MRPL50: variants seen among roughly 807,000 people sequenced by gnomAD.
MRPL50 encodes large ribosomal subunit protein mL50.
A neutral mutation model predicts 16.2 loss-of-function variants in MRPL50; 10 were observed. That is an observed-to-expected ratio of 0.62 (90% CI 0.38 to 1.05). The LOEUF (loss-of-function observed/expected upper bound fraction) is 1.05. MRPL50 is among the 50% of genes least tolerant of loss of function. The pLI, the probability that MRPL50 is intolerant of heterozygous loss-of-function variation, is 0.01. For missense variants in MRPL50, 213 were observed against 187.1 expected, an observed-to-expected ratio of 1.14 and a Z score of -0.81; for synonymous variants, 68 against 66.8, an observed-to-expected ratio of 1.02 and a Z score of -0.09.
Position 101,390,442 on chromosome 9 carries a change from C to A in MRPL50, c.*24G>T. On this transcript the variant is annotated 3_prime_UTR_variant, in exon 2 of 2. Transcript: ENST00000374865. ...CTTGCTCAGGGAAAGACAGTGATTT[C>A]AATGTGTTTCTCTTCCGAATTGCTT... The A allele has an allele frequency of 1.3e-6, 2 of 1,590,460 alleles. No individual in the cohort carries two copies. Among genetic ancestry groups the A allele is most frequent in the Non-Finnish European group, 1.7e-6 (2 of 1,168,072 alleles).
At position 101,389,035 on chromosome 9, in the gene MRPL50, C is replaced by A. The variant is rs1479533611; in HGVS notation, c.*1431G>T. 6.6e-6 allele frequency: 1 copy of A among 152,512 alleles called. No individual in the cohort carries two copies. Among genetic ancestry groups the A allele is most frequent in the Non-Finnish European group, 1.5e-5 (1 of 68,402 alleles). 9.4% of individuals were successfully genotyped at this position (152,512 alleles called of 1,614,324 possible). ...CAATAGTTATGTTCACAACTATTTA[C>A]ATACTATTCACAATTGTAAATATTA... On this transcript the variant is annotated 3_prime_UTR_variant, in exon 2 of 2. Transcript: ENST00000374865.
chr9:101,390,793 T>C lies in MRPL50; in HGVS notation c.150A>G (p.Leu50=), dbSNP rs911133401. The part of the protein sequence containing the change: ...ETVEEKKEPI[L]VCPPLRSRAY... The stretch of plus-strand genomic sequence containing the variant: ...CTCGGCTTCGTAAAGGTGGACACAC[T>C]AGGATAGGTTCCTTTTTCTCTTCTA... The change falls in exon 2 of 2, where the codon CTA becomes CTG. Residue 50 remains leucine, a synonymous_variant. Transcript: ENST00000374865. The C allele has an allele frequency of 3.1e-6, 5 of 1,612,482 alleles. No homozygotes were observed. In the African/African-American group the frequency reaches 5.4e-5, roughly 17 times the overall value.
chr9:101,396,705 A>T (rs1306875046), intron 1 of MRPL50, among the ~76,000 whole-genome samples: 2 of 152,132 alleles, frequency 1.3e-5, no homozygotes, highest in South Asian at 4.1e-4. Flanking sequence ...GCACTTTGGG[A>T]GGCTGAGGTA....
intron 1 of MRPL50, 138 bp from the exon 2 acceptor site, chr9:101,390,988 AG>A: frequency 1.1e-6 from 1 of 931,180 alleles, no homozygotes; most frequent in Non-Finnish European, 1.6e-6. Flanking sequence ...AGAATATGGT[AG>A]GCCCCTGCCC....
chr9:101,390,459 G>C lies in MRPL50; in HGVS notation c.*7C>G. 1 of 1,604,828 alleles carries C rather than the reference G, an allele frequency of 6.2e-7. No individual in the cohort carries two copies. The highest frequency in any genetic ancestry group is 1.1e-5 in the South Asian group (1 of 89,556). On this transcript the variant is annotated 3_prime_UTR_variant, in exon 2 of 2. Coordinates refer to ENST00000374865, the MANE Select transcript of MRPL50 (RefSeq NM_019051.3). ...AGTGATTTCAATGTGTTTCTCTTCC[G>C]AATTGCTTAGTAACTCCAAGTGATT... is the stretch of plus-strand genomic sequence containing the variant.
In MRPL50 at chr9:101,390,749, T is replaced by C. The variant is rs771527542; in HGVS notation, c.194A>G (p.Asp65Gly). Residue 65 changes from aspartate to glycine, a missense_variant, in exon 2 of 2, where the codon GAT becomes GGT. Physicochemically the swap from Asp to Gly is moderately conservative, Grantham distance 94 (BLOSUM62 -1). Transcript: ENST00000374865. ...GTAAGATTCCAAACGACTCTGGAGA[T>C]CTTCAGGTGGTGTGTATGCTCGGCT... ...LRSRAYTPPEDLQSRLESYVK... is the reference protein window; with the variant it reads ...LRSRAYTPPEGLQSRLESYVK... The C allele has an allele frequency of 6.2e-7, 1 of 1,613,612 alleles. No individual in the cohort carries two copies. The highest frequency in any genetic ancestry group is 8.5e-7 in the Non-Finnish European group (1 of 1,179,648).
chr9:101,398,379 C>A lies in MRPL50; in HGVS notation c.92+122G>T, dbSNP rs577380175. 22 of 860,798 alleles carry A rather than the reference C, an allele frequency of 2.6e-5. 1 individual carries two copies. The South Asian group carries it at 3.0e-4, about 12-fold the overall frequency. The allele number at this position is 860,798 out of a possible 1,614,324, so 53.3% of individuals were successfully genotyped here. A position where few individuals can be genotyped will look rare whatever the true frequency, so the allele number is the denominator to read the frequency against. On this transcript the variant is annotated intron_variant, in intron 1 of 1. Coordinates refer to ENST00000374865, the MANE Select transcript of MRPL50 (RefSeq NM_019051.3). ...TTCTCAACTCGGGACCCTAACCGGA[C>A]CTCCTTGTCCTTGCTCTGATCAGGC...
At chr9:101,392,127 AAACAC>A (rs763260965) in intron 1 of MRPL50, among the ~76,000 whole-genome samples, 1 of 152,240 alleles carries the variant, frequency 6.6e-6, no homozygotes, top group African/African-American at 2.4e-5. Context: ...ATAAAAATGA[AAACAC>A]AACACATCAA....
chr9:101,393,461 C>T (rs911911233), intron 1 of MRPL50, among the ~76,000 whole-genome samples: 10 of 151,742 alleles, frequency 6.6e-5, no homozygotes, highest in African/African-American at 1.5e-4. Flanking sequence ...ACGTATCATA[C>T]GTAAGATATA....
At chr9:101,393,817 G>A (rs186938470) in intron 1 of MRPL50, among the ~76,000 whole-genome samples, 84 of 151,920 alleles carry the variant, frequency 5.5e-4, no homozygotes, top group African/African-American at 9.6e-5. Context: ...GATATCCCAC[G>A]TTCATGGATT....
intron 1 of MRPL50, 60 bp downstream of exon 1, chr9:101,398,441 C>T: frequency 8.8e-6 from 13 of 1,484,768 alleles, no homozygotes; most frequent in Non-Finnish European, 9.4e-7. Flanking sequence ...ATTTTGAATT[C>T]GTCCCTAATC....
At chr9:101,394,772 G>A (rs890130491) in intron 1 of MRPL50, among the ~76,000 whole-genome samples, 4 of 151,898 alleles carry the variant, frequency 2.6e-5, no homozygotes, top group Admixed American at 2.6e-4. Context: ...CAAAAGCACA[G>A]GCAATAAGAA....
chr9:101,396,839 G>A (rs766079801), intron 1 of MRPL50, among the ~76,000 whole-genome samples: 156 of 152,242 alleles, frequency 1.0e-3, no homozygotes, highest in Admixed American at 1.7e-3. Context: ...CTACTCGGGA[G>A]GCTGAGGCAG....
Position 101,389,650 on chromosome 9 carries a change from C to T in MRPL50, c.*816G>A, listed in dbSNP as rs1830243666. On this transcript the variant is annotated 3_prime_UTR_variant, in exon 2 of 2. Coordinates refer to ENST00000374865, the MANE Select transcript of MRPL50 (RefSeq NM_019051.3). ...AAAATCCCAAATTTAACACCTTTGT[C>T]ATTCAGAACCATCTGATAACCTGCT... The T allele has an allele frequency of 3.0e-6, 1 of 333,492 alleles. No individual in the cohort carries two copies. 20.7% of individuals were successfully genotyped at this position (333,492 alleles called of 1,614,324 possible).
intron 1 of MRPL50, among the ~76,000 whole-genome samples, chr9:101,392,516 AG>A (rs1564062567): frequency 2.6e-5 from 4 of 151,952 alleles, no homozygotes; most frequent in African/African-American, 9.7e-5. Context: ...AGCAACTATA[AG>A]TCAATAGATT....
chr9:101,398,137 G>T (rs1830388293), intron 1 of MRPL50, among the ~76,000 whole-genome samples: 1 of 152,196 alleles, frequency 6.6e-6, no homozygotes, highest in Non-Finnish European at 1.5e-5. Context: ...AACCTTGCTT[G>T]TGAAGAAACA....
In MRPL50 at chr9:101,387,952, C is replaced by T. The variant is rs1358532481; in HGVS notation, c.*2514G>A. On this transcript the variant is annotated 3_prime_UTR_variant, in exon 2 of 2. Transcript: ENST00000374865. ...ATATTCACTGTATTGAACTATAAACCAGTGATGCCCTCTAGTGGTACTGAT... is the reference window on the plus strand; with the variant it reads ...ATATTCACTGTATTGAACTATAAACTAGTGATGCCCTCTAGTGGTACTGAT... The T allele has an allele frequency of 6.6e-6, 1 of 151,868 alleles. No homozygotes were observed. The highest frequency in any genetic ancestry group is 2.1e-4 in the South Asian group (1 of 4,822). The allele number at this position is 151,868 out of a possible 1,614,324, so 9.4% of individuals were successfully genotyped here.
At chr9:101,392,546 G>A (rs74456764) in intron 1 of MRPL50, among the ~76,000 whole-genome samples, 3,678 of 151,892 alleles carry the variant, frequency 0.024, 160 homozygotes, top group African/African-American at 0.084. Flanking sequence ...TAGAAGAGAT[G>A]GATTAATTCC....
chr9:101,396,971 A>G (rs1326669028), intron 1 of MRPL50, among the ~76,000 whole-genome samples: 1 of 152,246 alleles, frequency 6.6e-6, no homozygotes, highest in East Asian at 1.9e-4. Flanking sequence ...TCAAATTCAT[A>G]GAAACAGAGA....
Sources: allele counts gnomAD v4.1 joint callset (sites outside exome capture counted in the v4.1 genomes callset), GRCh38; gene constraint gnomAD v4.1.1; transcripts MANE v1.5; gene names NCBI Gene and HGNC (gene_info 2026-07-23, HGNC 2026-07-21).